Variants in CASKIN1 observed in about 807,000 individuals in gnomAD.
The protein encoded by CASKIN1 is caskin-1.
CASKIN1 carries 42 observed loss-of-function variants against 117.5 expected under a neutral mutation model. That is an observed-to-expected ratio of 0.36 (90% CI 0.28 to 0.46). The LOEUF (loss-of-function observed/expected upper bound fraction) is 0.46, where lower values mean the gene tolerates loss of function less well. Among genes scored for constraint, CASKIN1 ranks in the 20% least tolerant of loss-of-function variants. CASKIN1 has a pLI of 1.00. For synonymous variants in CASKIN1, 1,148 were observed against 961.7 expected, an observed-to-expected ratio of 1.19 and a Z score of -3.59; for missense variants, 2,083 against 2,077.3, an observed-to-expected ratio of 1.00 and a Z score of -0.05.
In CASKIN1 at chr16:2,178,420, G is replaced by A; in HGVS notation, c.*130C>T. Reference sequence around the variant, plus strand: ...CGGTGGGCGCCCCGGCCCGGGTCCAGGGGCCGGAGTTGTGCTTCTGCAGGG... The same window carrying A: ...CGGTGGGCGCCCCGGCCCGGGTCCAAGGGCCGGAGTTGTGCTTCTGCAGGG... On this transcript the variant is annotated 3_prime_UTR_variant, in exon 20 of 20. Coordinates refer to ENST00000343516, the MANE Select transcript of CASKIN1 (RefSeq NM_020764.4). 2 of 627,592 alleles carry A rather than the reference G, an allele frequency of 3.2e-6. No individual in the cohort carries two copies. Among genetic ancestry groups the A allele is most frequent in the Admixed American group, 4.4e-5 (1 of 22,968 alleles). The allele number at this position is 627,592 out of a possible 1,614,324, so 38.9% of individuals were successfully genotyped here.
chr16:2,182,671 C>A lies in CASKIN1; in HGVS notation c.1630-742G>T, dbSNP rs974994680. ...CAGGTGGCTTTTGACAGCCACCGATCGCCTCTCCCGTTGGGAGCCCAGAGC... is the reference window on the plus strand; with the variant it reads ...CAGGTGGCTTTTGACAGCCACCGATAGCCTCTCCCGTTGGGAGCCCAGAGC... On this transcript the variant is annotated intron_variant, in intron 16 of 19. Coordinates refer to ENST00000343516, the MANE Select transcript of CASKIN1 (RefSeq NM_020764.4). This position sits in a 1 kb window ranked among gnomAD's most constrained non-coding sequence, Gnocchi z 4.1. Among the ~76,000 whole-genome samples, 6 of 152,226 alleles carry A rather than the reference C, an allele frequency of 3.9e-5. No homozygotes were observed. Among genetic ancestry groups the A allele is most frequent in the Admixed American group, 6.5e-5 (1 of 15,284 alleles).
intron 1 of CASKIN1, among the ~76,000 whole-genome samples, chr16:2,195,947 C>T (rs1432814319): frequency 1.3e-5 from 2 of 151,788 alleles, no homozygotes; most frequent in Admixed American, 6.5e-5. Context: ...GGGCCCCCTC[C>T]CTGTCTTCCC....
intron 1 of CASKIN1, among the ~76,000 whole-genome samples, chr16:2,194,345 A>G (rs919283479): frequency 8.5e-5 from 13 of 152,222 alleles, no homozygotes; most frequent in African/African-American, 2.6e-4. Flanking sequence ...TCTTCCCCTC[A>G]AGGACAGCTG....
rs1000729981 is a variant in CASKIN1 at position 2,180,157 on chromosome 16, T to A, written c.3211A>T (p.Thr1071Ser). Reference protein sequence around the residue: ...NRRRTLSGPVTGLLATARRGP... With the variant: ...NRRRTLSGPVSGLLATARRGP... ...CGGCGGGCAGTGGCCAGAAGTCCGG[T>A]GACTGGCCCGCTGAGCGTGCGGCGC... The change falls in exon 18 of 20, where the codon ACC becomes TCC. Residue 1071 changes from threonine to serine, a missense_variant. Transcript: ENST00000343516. The A allele has an allele frequency of 6.4e-7, 1 of 1,553,746 alleles. No individual in the cohort carries two copies. The highest frequency in any genetic ancestry group is 8.7e-7 in the Non-Finnish European group (1 of 1,149,656).
chr16:2,178,131 A>G lies in CASKIN1; in HGVS notation c.*419T>C, dbSNP rs770837762. On this transcript the variant is annotated 3_prime_UTR_variant, in exon 20 of 20. Coordinates refer to ENST00000343516, the MANE Select transcript of CASKIN1 (RefSeq NM_020764.4). ...TAAATTAATACTCTTGATAGCTTAT[A>G]TTCTGGGGGTGCGGTGGGGCAGGGG... is the stretch of plus-strand genomic sequence containing the variant. The G allele has an allele frequency of 1.2e-4, 61 of 499,008 alleles. 1 individual carries two copies. Among genetic ancestry groups the G allele is most frequent in the South Asian group, 9.6e-4 (60 of 62,518 alleles). 30.9% of individuals were successfully genotyped at this position (499,008 alleles called of 1,614,324 possible).
At chr16:2,191,536 T>C (rs1355721028) in intron 1 of CASKIN1, among the ~76,000 whole-genome samples, 1 of 152,130 alleles carries the variant, frequency 6.6e-6, no homozygotes, top group Admixed American at 6.5e-5. Flanking sequence ...ACATAAAGCG[T>C]GCGCGGCCTG....
At chr16:2,192,864 C>T (rs1195727625) in intron 1 of CASKIN1, among the ~76,000 whole-genome samples, 3 of 152,214 alleles carry the variant, frequency 2.0e-5, no homozygotes, top group Admixed American at 1.3e-4. Context: ...TGGTGCCCCG[C>T]GCAGCTGAGG....
intron 1 of CASKIN1, among the ~76,000 whole-genome samples, chr16:2,191,983 C>T (rs529295621): frequency 1.3e-5 from 2 of 152,336 alleles, no homozygotes; most frequent in Non-Finnish European, 2.9e-5. Flanking sequence ...CCCACCCCGT[C>T]GGGGTTCCCT....
rs573154682 is a variant in CASKIN1 at position 2,186,772 on chromosome 16, C to A, written c.983G>T (p.Arg328Leu). 1.2e-5 allele frequency: 19 copies of A among 1,612,920 alleles called. No homozygotes were observed. Among genetic ancestry groups the A allele is most frequent in the Non-Finnish European group, 1.5e-5 (18 of 1,179,974 alleles). ...GRWKGCIHDNRTGNDRVGYFP... is the reference protein window; with the variant it reads ...GRWKGCIHDNLTGNDRVGYFP... ...GTAGCCCACCCGGTCATTGCCCGTCCGGTTGTCATGGATGCAGCCCTTCCA... is the reference window on the plus strand; with the variant it reads ...GTAGCCCACCCGGTCATTGCCCGTCAGGTTGTCATGGATGCAGCCCTTCCA... Residue 328 changes from arginine (R) to leucine (L), a missense_variant, in exon 10 of 20, where the codon CGG (arginine) becomes CTG (leucine). Arg to Leu is a moderately radical substitution (Grantham distance 102). Around this residue, in one of 3 missense-constraint regions of CASKIN1, gnomAD observed 1,818 missense variants for 1,688.9 expected, o/e 1.08. Transcript: ENST00000343516.
At position 2,187,223 on chromosome 16, in the gene CASKIN1, T is replaced by A; in HGVS notation, c.778A>T (p.Ile260Phe). ...RNTYSQTALD[I>F]VHQFTTSQAS... ...TGGGACGTGGTGAACTGGTGCACGATGTCCAGGGCTGTCTGGCTGTAGGTG... is the reference window on the plus strand; with the variant it reads ...TGGGACGTGGTGAACTGGTGCACGAAGTCCAGGGCTGTCTGGCTGTAGGTG... The change falls in exon 8 of 20, where the codon ATC becomes TTC. Residue 260 changes from isoleucine to phenylalanine, a missense_variant. Around this residue, in one of 3 missense-constraint regions of CASKIN1, gnomAD observed 203 missense variants for 338.7 expected, o/e 0.60. Transcript: ENST00000343516. The A allele has an allele frequency of 1.2e-6, 2 of 1,614,032 alleles. No individual in the cohort carries two copies. Among genetic ancestry groups the A allele is most frequent in the Non-Finnish European group, 1.7e-6 (2 of 1,179,976 alleles).
intron 3 of CASKIN1, 45 bp from the exon 4 acceptor site, chr16:2,189,609 C>T (rs1363660737): frequency 6.4e-7 from 1 of 1,550,840 alleles, no homozygotes; most frequent in Non-Finnish European, 8.7e-7. Flanking sequence ...GACCCCAAAC[C>T]CAACCCTGGA....
At chr16:2,190,235 C>G (rs2093197688) in intron 2 of CASKIN1, 65 bp from the exon 3 acceptor site, 1 of 1,593,748 alleles carries the variant, frequency 6.3e-7, no homozygotes, top group Admixed American at 1.8e-5. Flanking sequence ...GCACCCTGCC[C>G]TCCCCCGGCA....
rs759641819 is a variant in CASKIN1 at position 2,181,475 on chromosome 16, G to T, written c.1893C>A (p.Ile631=). 3.1e-6 allele frequency: 5 copies of T among 1,611,468 alleles called. No individual in the cohort carries two copies. The highest frequency in any genetic ancestry group is 3.3e-5 in the Admixed American group (2 of 59,946). Residue 631 remains isoleucine (I), a synonymous_variant, in exon 18 of 20, where the codon ATC becomes ATA. Coordinates refer to ENST00000343516, the MANE Select transcript of CASKIN1 (RefSeq NM_020764.4). ...TGGGCTCAGGCGGGGGCGGCGACTC[G>T]ATGGCCATCACTTCAAGAGACTGGG... The part of the protein sequence containing the change: ...KAPQSLEVMA[I]ESPPPPEPTP...
chr16:2,179,410 A>T lies in CASKIN1; in HGVS notation c.3776-85T>A. On this transcript the variant is annotated intron_variant, in intron 18 of 19. Transcript: ENST00000343516. The surrounding 1 kb of genome is among the most constrained non-coding windows in gnomAD (Gnocchi z 5.8). ...CCCAGCCTCCCGCGGCTTCCTCCCC[A>T]GCGGACCGGGAAAGACCCTGCTCAC... 1 of 1,311,096 alleles carries T rather than the reference A, an allele frequency of 7.6e-7. No homozygotes were observed. Among genetic ancestry groups the T allele is most frequent in the South Asian group, 2.4e-5 (1 of 40,892 alleles). 81.2% of individuals were successfully genotyped at this position (1,311,096 alleles called of 1,614,324 possible). A position where few individuals can be genotyped will look rare whatever the true frequency, so the allele number is the denominator to read the frequency against.
At chr16:2,189,594 C>A (rs1464224374) in intron 3 of CASKIN1, 30 bp from the exon 4 acceptor site, 2 of 1,568,182 alleles carry the variant, frequency 1.3e-6, no homozygotes, top group Non-Finnish European at 8.6e-7. Flanking sequence ...TGGGAGCTGA[C>A]CCTTGACCCC....
chr16:2,178,488 G>A lies in CASKIN1; in HGVS notation c.*62C>T. 3.0e-6 allele frequency: 4 copies of A among 1,332,284 alleles called. 1 individual carries two copies. In the South Asian group the frequency reaches 5.4e-5, roughly 18 times the overall value. The allele number at this position is 1,332,284 out of a possible 1,614,324, so 82.5% of individuals were successfully genotyped here. A position where few individuals can be genotyped will look rare whatever the true frequency, so the allele number is the denominator to read the frequency against. On this transcript the variant is annotated 3_prime_UTR_variant, in exon 20 of 20. Transcript: ENST00000343516. ...CGCCGCGCCCAGACGCGCCCATCCT[G>A]AGGTATAGGTCAGTGTGCGGGGAGG...
Position 2,179,179 on chromosome 16 carries a change from G to A in CASKIN1, c.3922C>T (p.Pro1308Ser), listed in dbSNP as rs954754613. The A allele has an allele frequency of 2.1e-4, 231 of 1,119,994 alleles. No homozygotes were observed. Among genetic ancestry groups the A allele is most frequent in the Non-Finnish European group, 2.4e-4 (224 of 916,352 alleles). The allele number at this position is 1,119,994 out of a possible 1,614,324, so 69.4% of individuals were successfully genotyped here. Reference protein sequence around the residue: ...SPAPSPARQPPAALAKPPGTP... With the variant: ...SPAPSPARQPSAALAKPPGTP... ...CCGGGCGGCTTGGCGAGGGCGGCGG[G>A]CGGCTGTCGCGCGGGCGAGGGTGCG... Residue 1308 changes from proline (P) to serine (S), a missense_variant, in exon 19 of 20, where the codon CCC becomes TCC. By Grantham distance (74) the Pro-to-Ser change is moderately conservative. Transcript: ENST00000343516. This position sits in a 1 kb window ranked among gnomAD's most constrained non-coding sequence, Gnocchi z 5.8.
chr16:2,186,432 G>A (rs1306066361), intron 10 of CASKIN1, among the ~76,000 whole-genome samples: 1 of 152,124 alleles, frequency 6.6e-6, no homozygotes, highest in Non-Finnish European at 1.5e-5. Flanking sequence ...TCCTGCCCCA[G>A]GACGAGCTCC....
Position 2,196,488 on chromosome 16 carries a change from A to AGGC in CASKIN1, c.-59_-57dup, listed in dbSNP as rs1449215086. 1.3e-5 allele frequency: 12 copies of AGGC among 919,930 alleles called. No homozygotes were observed. Among genetic ancestry groups the AGGC allele is most frequent in the Admixed American group, 5.8e-5 (1 of 17,258 alleles). 57.0% of individuals were successfully genotyped at this position (919,930 alleles called of 1,614,324 possible). A position where few individuals can be genotyped will look rare whatever the true frequency, so the allele number is the denominator to read the frequency against. On this transcript the variant is annotated 5_prime_UTR_variant, in exon 1 of 20. Transcript: ENST00000343516. The surrounding 1 kb of genome is among the most constrained non-coding windows in gnomAD (Gnocchi z 5.7). ...CGCTCGTGAGCTCGGCGCGGCTCAG[A>AGGC]GGCGGCGGCGGCCCCGCGGCACCGG... is the stretch of plus-strand genomic sequence containing the variant.
Sources: allele counts gnomAD v4.1 joint callset (sites outside exome capture counted in the v4.1 genomes callset), GRCh38; gene constraint gnomAD v4.1.1; regional missense constraint gnomAD v4.1.1; non-coding constraint Gnocchi (gnomAD v3.1); transcripts MANE v1.5; gene names NCBI Gene and HGNC (gene_info 2026-07-23, HGNC 2026-07-21).